The following EHBP1L1 variants were observed in gnomAD, a reference collection of about 807,000 sequenced individuals.
The protein encoded by EHBP1L1 is EH domain-binding protein 1-like protein 1.
A neutral mutation model predicts 151.1 loss-of-function variants in EHBP1L1; 122 were observed. That is an observed-to-expected ratio of 0.81 (90% CI 0.70 to 0.94). The LOEUF (loss-of-function observed/expected upper bound fraction) is 0.94. Among genes scored for constraint, EHBP1L1 ranks in the 40% least tolerant of loss-of-function variants. The pLI, the probability that EHBP1L1 is intolerant of heterozygous loss-of-function variation, is 0.00. For synonymous variants in EHBP1L1, 878 were observed against 810.1 expected (o/e 1.08, Z -1.42); for missense variants, 1,941 against 1,959.8 (o/e 0.99, Z 0.18).
chr11:65,588,765 A>G (rs866881206), intron 12 of EHBP1L1, among the ~76,000 whole-genome samples: 2 of 152,232 alleles, frequency 1.3e-5, no homozygotes, highest in Admixed American at 6.5e-5. Context: ...ACATGGGGTC[A>G]GCCCTGCCCT....
At position 65,585,639 on chromosome 11, in the gene EHBP1L1, C is replaced by T; in HGVS notation, c.3933+48C>T. The T allele has an allele frequency of 6.5e-7, 1 of 1,531,972 alleles. No homozygotes were observed. The highest frequency in any genetic ancestry group is 8.7e-7 in the Non-Finnish European group (1 of 1,144,346). 94.9% of individuals were successfully genotyped at this position (1,531,972 alleles called of 1,614,324 possible). On this transcript the variant is annotated intron_variant, in intron 12 of 18. Transcript: ENST00000309295. The surrounding 1 kb of genome is among the most constrained non-coding windows in gnomAD (Gnocchi z 4.0). ...CTTCCCCCGCCGCAGCGCGGGGTCC[C>T]GGGAAGATGGGCAGAGAACGGGCGA...
Position 65,582,085 on chromosome 11 carries a change from G to A in EHBP1L1, c.1413G>A (p.Arg471=). The change falls in exon 9 of 19, where the codon AGG becomes AGA. Residue 471 remains arginine, a synonymous_variant. Coordinates refer to ENST00000309295, the MANE Select transcript of EHBP1L1 (RefSeq NM_001099409.3). ...GSQGRLGVRT[R]DEAPSGLSLP... ...AGGGGAGGCTGGGAGTCAGGACCAG[G>A]GATGAGGCTCCCTCAGGCCTGAGCC... The A allele has an allele frequency of 1.2e-6, 2 of 1,610,626 alleles. No individual in the cohort carries two copies. Among genetic ancestry groups the A allele is most frequent in the Non-Finnish European group, 1.7e-6 (2 of 1,178,492 alleles).
Position 65,583,484 on chromosome 11 carries a change from G to A in EHBP1L1, c.2812G>A (p.Glu938Lys), listed in dbSNP as rs1470451143. ...TCAAGTTCTGAGAGTCCAGGAGGCA[G>A]AGGCTGGGGTTTGGGGGATGTCAGA... ...ETQVLRVQEAEAGVWGMSEGK... is the reference protein window; with the variant it reads ...ETQVLRVQEAKAGVWGMSEGK... The change falls in exon 9 of 19, where the codon GAG becomes AAG. Residue 938 changes from glutamate to lysine, a missense_variant. Physicochemically the swap from Glu to Lys is moderately conservative, Grantham distance 56. Transcript: ENST00000309295. 2 of 1,613,724 alleles carry A rather than the reference G, an allele frequency of 1.2e-6. No homozygotes were observed. Among genetic ancestry groups the A allele is most frequent in the Admixed American group, 3.3e-5 (2 of 59,998 alleles).
In EHBP1L1 at chr11:65,583,403, G is replaced by A; in HGVS notation, c.2731G>A (p.Val911Ile). 1 of 1,613,616 alleles carries A rather than the reference G, an allele frequency of 6.2e-7. No individual in the cohort carries two copies. Among genetic ancestry groups the A allele is most frequent in the Non-Finnish European group, 8.5e-7 (1 of 1,179,748 alleles). The part of the protein sequence containing the change: ...ALRAPVTQPR[V>I]LGSQEAKAEI... ...AAGGGCCCCAGTCACTCAGCCAAGAGTTTTAGGATCCCAGGAAGCAAAAGC... is the reference window on the plus strand; with the variant it reads ...AAGGGCCCCAGTCACTCAGCCAAGAATTTTAGGATCCCAGGAAGCAAAAGC... Residue 911 changes from valine to isoleucine, a missense_variant, in exon 9 of 19, where the codon GTT becomes ATT. Coordinates refer to ENST00000309295, the MANE Select transcript of EHBP1L1 (RefSeq NM_001099409.3).
chr11:65,579,312 G>T (rs201795513), intron 2 of EHBP1L1, 29 bp from the exon 3 acceptor site: 23 of 1,517,448 alleles, frequency 1.5e-5, no homozygotes, highest in South Asian at 8.9e-5. Context: ...GAGTTAAGAT[G>T]GGGGGAGGAC....
chr11:65,578,455 T>A (rs569267475), intron 1 of EHBP1L1, among the ~76,000 whole-genome samples: 1 of 152,310 alleles, frequency 6.6e-6, no homozygotes, highest in Non-Finnish European at 1.5e-5. Context: ...CACTCATCTC[T>A]GCCCAGACAC....
chr11:65,589,048 G>T (rs926600645), intron 12 of EHBP1L1, among the ~76,000 whole-genome samples: 1 of 152,302 alleles, frequency 6.6e-6, no homozygotes, highest in African/African-American at 2.4e-5. Context: ...TGGGGCCCTG[G>T]CCATGACGGA....
chr11:65,584,975 C>T lies in EHBP1L1; in HGVS notation c.3317C>T (p.Ala1106Val), dbSNP rs1190478291. 4 of 1,533,538 alleles carry T rather than the reference C, an allele frequency of 2.6e-6. No individual in the cohort carries two copies. In the Admixed American group the frequency reaches 7.9e-5, roughly 30 times the overall value. 95.0% of individuals were successfully genotyped at this position (1,533,538 alleles called of 1,614,324 possible). Residue 1106 changes from alanine to valine, a missense_variant, in exon 12 of 19, where the codon GCG becomes GTG. By Grantham distance (64) the Ala-to-Val change is moderately conservative (BLOSUM62 0). Coordinates refer to ENST00000309295, the MANE Select transcript of EHBP1L1 (RefSeq NM_001099409.3). The stretch of plus-strand genomic sequence containing the variant: ...TTCCCCTAGGCCTTCGATGGCTTCG[C>T]GGCTCTGGGCGTGTCGCGGCTGCTG... ...QNNKQAFDGF[A>V]ALGVSRLLEP...
rs751877352 is a variant in EHBP1L1 at position 65,582,597 on chromosome 11, A to C, written c.1925A>C (p.Glu642Ala). 4.3e-6 allele frequency: 7 copies of C among 1,613,280 alleles called. No homozygotes were observed. In the East Asian group the frequency reaches 1.3e-4, roughly 31 times the overall value. Residue 642 changes from glutamate (E) to alanine (A), a missense_variant, in exon 9 of 19, where the codon GAG becomes GCG. Coordinates refer to ENST00000309295, the MANE Select transcript of EHBP1L1 (RefSeq NM_001099409.3). ...ETQETEVGVI[E>A]TPGTETEVLG... ...CAGGAAACAGAGGTGGGGGTCATAGAGACCCCAGGGACAGAGACTGAGGTA... is the reference window on the plus strand; with the variant it reads ...CAGGAAACAGAGGTGGGGGTCATAGCGACCCCAGGGACAGAGACTGAGGTA...
In EHBP1L1 at chr11:65,590,500, C is replaced by A; in HGVS notation, c.4191C>A (p.Asn1397Lys). Reference protein sequence around the residue: ...QLRSLMESGANKLQEEVLIQE... With the variant: ...QLRSLMESGAKKLQEEVLIQE... ...TGTCCCTGTCCAATGCAGGTGCCAA[C>A]AAGCTGCAGGAGGAGGTGCTGATCC... The change falls in exon 16 of 19, where the codon AAC becomes AAA. Residue 1397 changes from asparagine (N) to lysine (K), a missense_variant. Asn to Lys is a moderately conservative substitution (Grantham distance 94). Transcript: ENST00000309295. 6.2e-7 allele frequency: 1 copy of A among 1,613,258 alleles called. No individual in the cohort carries two copies. Among genetic ancestry groups the A allele is most frequent in the Non-Finnish European group, 8.5e-7 (1 of 1,179,810 alleles).
chr11:65,580,499 T>C lies in EHBP1L1; in HGVS notation c.634+20T>C, dbSNP rs1369095993. On this transcript the variant is annotated intron_variant, in intron 6 of 18. Transcript: ENST00000309295. ...AGCCAGGTGGGCTCACAGCCTGCTG[T>C]GGATCGAGACTGCCAAGACCTGGGG... 2.5e-6 allele frequency: 4 copies of C among 1,607,112 alleles called. No individual in the cohort carries two copies. The South Asian group carries it at 4.4e-5, about 18-fold the overall frequency.
Position 65,576,353 on chromosome 11 carries a change from G to A in EHBP1L1, c.51G>A (p.Lys17=). The A allele has an allele frequency of 6.3e-7, 1 of 1,599,626 alleles. No individual in the cohort carries two copies. The highest frequency in any genetic ancestry group is 1.7e-5 in the Admixed American group (1 of 57,948). ...RLQRVGKRAA[K]FQFVACYHEL... ...AGCGCGTGGGCAAGCGGGCGGCCAA[G>A]TTCCAGTTCGTGGCCTGTTACCACG... Residue 17 remains lysine, a synonymous_variant, in exon 1 of 19, where the codon AAG becomes AAA. Coordinates refer to ENST00000309295, the MANE Select transcript of EHBP1L1 (RefSeq NM_001099409.3).
Position 65,583,171 on chromosome 11 carries a change from G to A in EHBP1L1, c.2499G>A (p.Gly833=). The A allele has an allele frequency of 6.2e-7, 1 of 1,613,104 alleles. No homozygotes were observed. Among genetic ancestry groups the A allele is most frequent in the Non-Finnish European group, 8.5e-7 (1 of 1,179,704 alleles). The change falls in exon 9 of 19, where the codon GGG becomes GGA. Residue 833 remains glycine, a synonymous_variant. Coordinates refer to ENST00000309295, the MANE Select transcript of EHBP1L1 (RefSeq NM_001099409.3). The stretch of plus-strand genomic sequence containing the variant: ...CATCTAGGAGTTCAGGGGTCCCAGG[G>A]CTAGAATCTGAGGTAGCTGGGGCCC... ...EIASRSSGVP[G]LESEVAGAQE...
chr11:65,583,948 C>G, intron 9 of EHBP1L1, 183 bp downstream of exon 9: 1 of 1,416,048 alleles, frequency 7.1e-7, no homozygotes, highest in South Asian at 1.7e-5. Flanking sequence ...CCCCATCTTC[C>G]CTGGGCCGCA....
At chr11:65,589,396 A>G (rs911207831) in intron 12 of EHBP1L1, among the ~76,000 whole-genome samples, 1 of 152,090 alleles carries the variant, frequency 6.6e-6, no homozygotes, top group African/African-American at 2.4e-5. Context: ...CATCTCAAAA[A>G]AAGAGAGTAG....
chr11:65,579,968 G>A lies in EHBP1L1; in HGVS notation c.291G>A (p.Glu97=). The change falls in exon 4 of 19, where the codon GAG becomes GAA. Residue 97 remains glutamate (E), a synonymous_variant. Coordinates refer to ENST00000309295, the MANE Select transcript of EHBP1L1 (RefSeq NM_001099409.3). ...ACGTGGACCAGTATGAGGCCAAAGA[G>A]TGGACATTTATTATTGAAAATGTGA... ...DPHVDQYEAK[E]WTFIIENESK... 1 of 1,613,916 alleles carries A rather than the reference G, an allele frequency of 6.2e-7. No individual in the cohort carries two copies. Among genetic ancestry groups the A allele is most frequent in the Non-Finnish European group, 8.5e-7 (1 of 1,179,870 alleles).
At chr11:65,580,591 C>T (rs1223676738) in intron 6 of EHBP1L1, 112 bp downstream of exon 6, 1 of 1,406,520 alleles carries the variant, frequency 7.1e-7, no homozygotes, top group Non-Finnish European at 9.6e-7. Flanking sequence ...CATTACTGCC[C>T]AGGCAGTCCC....
In EHBP1L1 at chr11:65,584,527, A is replaced by G; in HGVS notation, c.3293A>G (p.Asn1098Ser). The G allele has an allele frequency of 6.2e-7, 1 of 1,611,674 alleles. No individual in the cohort carries two copies. Among genetic ancestry groups the G allele is most frequent in the Non-Finnish European group, 8.5e-7 (1 of 1,179,226 alleles). Reference protein sequence around the residue: ...SLDPLNIKQNNKQAFDGFAAL... With the variant: ...SLDPLNIKQNSKQAFDGFAAL... ...GACCCACTCAACATCAAGCAGAACAACAAGCAGGTGAGATGGGGTGGGGGA... is the reference window on the plus strand; with the variant it reads ...GACCCACTCAACATCAAGCAGAACAGCAAGCAGGTGAGATGGGGTGGGGGA... Residue 1098 changes from asparagine to serine, a missense_variant, in exon 11 of 19, where the codon AAC (asparagine) becomes AGC (serine). Coordinates refer to ENST00000309295, the MANE Select transcript of EHBP1L1 (RefSeq NM_001099409.3).
At chr11:65,586,620 C>T (rs979469039) in intron 12 of EHBP1L1, among the ~76,000 whole-genome samples, 4 of 152,198 alleles carry the variant, frequency 2.6e-5, no homozygotes, top group Non-Finnish European at 4.4e-5. Flanking sequence ...AACTGCCAGC[C>T]ATCTCCCGGA....
Sources: gnomAD v4.1 joint callset for allele counts (sites outside exome capture counted in the v4.1 genomes callset) on GRCh38, gnomAD v4.1.1 for gene constraint, Gnocchi (gnomAD v3.1) non-coding constraint, MANE v1.5 for transcripts, NCBI Gene and HGNC (gene_info 2026-07-23, HGNC 2026-07-21) for gene names.